Variants in ARHGEF9 observed in about 807,000 individuals in gnomAD.
ARHGEF9 encodes rho guanine nucleotide exchange factor 9.
In ARHGEF9, 2 loss-of-function variants were observed where a neutral mutation model predicts 41.3. The ratio of observed to expected loss-of-function variants is 0.05; its 90% CI spans 0.02 to 0.15. The LOEUF (loss-of-function observed/expected upper bound fraction) is 0.15. ARHGEF9 is among the 10% of genes least tolerant of loss of function. The pLI is 1.00. For synonymous variants in ARHGEF9, 160 were observed against 154.4 expected (o/e 1.04, Z -0.27); for missense variants, 225 against 424.7 (o/e 0.53, Z 4.13).
chrX:63,667,031 C>T (rs1383068874), intron 6 of ARHGEF9, among the ~76,000 whole-genome samples: 2 of 111,783 alleles, frequency 1.8e-5, no homozygotes, highest in African/African-American at 6.5e-5. Context: ...TCATGAAACA[C>T]AAGGCAAACC....
At chrX:63,754,450 G>A in intron 1 of ARHGEF9, 10 of 1,149,721 alleles carry the variant, frequency 8.7e-6, no homozygotes, top group Non-Finnish European at 1.1e-5. Context: ...AAATCAAAGC[G>A]AGAGTTCGCG....
intron 3 of ARHGEF9, 30 bp from the exon 4 acceptor site, chrX:63,697,334 G>C (rs201323668): frequency 1.8e-5 from 22 of 1,194,315 alleles, no homozygotes; most frequent in Middle Eastern, 2.3e-4. Context: ...CTAGGCTGAG[G>C]AAGTCCCTGA....
intron 1 of ARHGEF9, among the ~76,000 whole-genome samples, chrX:63,769,957 A>T (rs1330907138): frequency 2.7e-5 from 3 of 112,329 alleles, no homozygotes; most frequent in Non-Finnish European, 5.6e-5. Flanking sequence ...CCCCACACTG[A>T]GTCCCTACTG....
At chrX:63,665,835 G>A (rs1556347114) in intron 7 of ARHGEF9, 51 bp downstream of exon 7, 6 of 1,193,983 alleles carry the variant, frequency 5.0e-6, no homozygotes, top group East Asian at 3.0e-5. Flanking sequence ...AGGAGGGTCC[G>A]GTACCCTGTT....
chrX:63,697,090 T>G, intron 4 of ARHGEF9, 35 bp downstream of exon 4: 1 of 1,196,345 alleles, frequency 8.4e-7, no homozygotes, highest in Non-Finnish European at 1.1e-6. Flanking sequence ...TCCTAACACC[T>G]CTCAAAACCC....
intron 2 of ARHGEF9, chrX:63,707,465 C>G (rs1430468994): frequency 9.1e-6 from 1 of 109,477 alleles, no homozygotes; most frequent in African/African-American, 3.3e-5. Context: ...AGAAGATAGC[C>G]CTTCCCGCCA....
intron 8 of ARHGEF9, among the ~76,000 whole-genome samples, chrX:63,654,300 G>T (rs2048748933): frequency 9.0e-6 from 1 of 111,676 alleles, no homozygotes. Context: ...AGAGCCAATG[G>T]GAATGGCAGG....
At chrX:63,704,682 C>G (rs1556399397) in intron 3 of ARHGEF9, among the ~76,000 whole-genome samples, 1 of 112,254 alleles carries the variant, frequency 8.9e-6, no homozygotes. Context: ...ATTTCCTCAA[C>G]AAACTTAAGA....
intron 6 of ARHGEF9, among the ~76,000 whole-genome samples, chrX:63,669,509 C>T (rs1378131344): frequency 8.9e-6 from 1 of 111,915 alleles, no homozygotes; most frequent in Admixed American, 9.4e-5. Flanking sequence ...CTTATGAAGA[C>T]AGGATCTGAC....
chrX:63,734,475 TTAA>T (rs1464624826), intron 1 of ARHGEF9, among the ~76,000 whole-genome samples: 2 of 112,238 alleles, frequency 1.8e-5, no homozygotes, highest in African/African-American at 6.5e-5. Flanking sequence ...ACCATATTTA[TTAA>T]TAACAAGCAA....
chrX:63,705,139 G>A (rs1556400151), intron 3 of ARHGEF9, among the ~76,000 whole-genome samples: 1 of 112,150 alleles, frequency 8.9e-6, no homozygotes, highest in African/African-American at 3.2e-5. Flanking sequence ...ATTGGAGAAT[G>A]CAGACATGGA....
intron 1 of ARHGEF9, among the ~76,000 whole-genome samples, chrX:63,774,004 A>G (rs1556456470): frequency 9.1e-6 from 1 of 110,294 alleles, no homozygotes; most frequent in Non-Finnish European, 1.9e-5. Flanking sequence ...TGCAGATCTT[A>G]GGACTTATCA....
At chrX:63,648,475 T>G (rs192987957) in intron 8 of ARHGEF9, among the ~76,000 whole-genome samples, 8,481 of 110,794 alleles carry the variant, frequency 0.077, 637 homozygotes, top group African/African-American at 0.23. Flanking sequence ...AGGAACAACC[T>G]GTACCAGCCA....
chrX:63,638,183 G>C lies in ARHGEF9; in HGVS notation c.1417C>G (p.Pro473Ala). ...GGGTCCTGCGGTGGTGGGTAGGAAG[G>C]AGGAACTGAGCGGGCAGAGTTGACA... ...KGVNSARSVP[P>A]SYPPPQDPLN... Residue 473 changes from proline to alanine, a missense_variant, in exon 10 of 10, where the codon CCT becomes GCT. Physicochemically the swap from Pro to Ala is conservative, Grantham distance 27. Coordinates refer to ENST00000671741, the MANE Select transcript of ARHGEF9 (RefSeq NM_001353921.2). 8.4e-7 allele frequency: 1 copy of C among 1,193,032 alleles called. No homozygotes were observed. The highest frequency in any genetic ancestry group is 1.1e-6 in the Non-Finnish European group (1 of 885,854).
At chrX:63,696,643 G>A (rs1376512610) in intron 4 of ARHGEF9, among the ~76,000 whole-genome samples, 2 of 111,876 alleles carry the variant, frequency 1.8e-5, no homozygotes, top group Non-Finnish European at 3.8e-5. Flanking sequence ...TCTCTGTGCA[G>A]TGAATATTTT....
intron 8 of ARHGEF9, among the ~76,000 whole-genome samples, chrX:63,645,812 C>T (rs1370284823): frequency 1.8e-5 from 2 of 111,937 alleles, no homozygotes; most frequent in African/African-American, 6.5e-5. Context: ...ACACTGACTT[C>T]CACAATGGTT....
chrX:63,695,913 T>G (rs1486835788), intron 4 of ARHGEF9, among the ~76,000 whole-genome samples: 2 of 111,870 alleles, frequency 1.8e-5, no homozygotes, highest in Non-Finnish European at 3.8e-5. Context: ...TTTATATGTG[T>G]TGTCCCAACT....
intron 2 of ARHGEF9, among the ~76,000 whole-genome samples, chrX:63,720,100 T>C (rs1556412759): frequency 9.0e-6 from 1 of 111,594 alleles, no homozygotes; most frequent in Non-Finnish European, 1.9e-5. Flanking sequence ...CTTATATTTC[T>C]GGAGGATGTG....
At chrX:63,757,438 G>A (rs2055955128) in intron 1 of ARHGEF9, among the ~76,000 whole-genome samples, 2 of 111,243 alleles carry the variant, frequency 1.8e-5, no homozygotes, top group Admixed American at 1.9e-4. Context: ...CCAAATTGAA[G>A]TCATCTCCTC....
Sources: allele counts gnomAD v4.1 joint callset (sites outside exome capture counted in the v4.1 genomes callset), GRCh38; gene constraint gnomAD v4.1.1; transcripts MANE v1.5; gene names NCBI Gene and HGNC (gene_info 2026-07-23, HGNC 2026-07-21).